The following DYSF variants were observed in gnomAD, a reference collection of about 807,000 sequenced individuals.
DYSF encodes dysferlin, also known as dystrophy-associated fer-1-like 1.
In DYSF, 212 loss-of-function variants were observed where a neutral mutation model predicts 274.9. The ratio of observed to expected loss-of-function variants is 0.77; its 90% CI spans 0.69 to 0.86. The LOEUF (loss-of-function observed/expected upper bound fraction) is 0.86. Among genes scored for constraint, DYSF ranks in the 40% least tolerant of loss-of-function variants. DYSF has a pLI of 0.00. For missense variants in DYSF, 2,666 were observed against 2,783.2 expected (o/e 0.96, Z 0.95); for synonymous variants, 1,091 against 1,078.7 (o/e 1.01, Z -0.22).
intron 8 of DYSF, 26 bp from the exon 9 acceptor site, chr2:71,516,154 T>G (rs954851578): frequency 5.0e-6 from 8 of 1,613,522 alleles, no homozygotes; most frequent in African/African-American, 1.3e-5. Context: ...GGCACTGATA[T>G]GTCTCTCTTT....
At chr2:71,543,645 C>T (rs923885504) in intron 17 of DYSF, among the ~76,000 whole-genome samples, 4 of 152,220 alleles carry the variant, frequency 2.6e-5, no homozygotes, top group African/African-American at 7.2e-5. Flanking sequence ...AGATCACTCG[C>T]GGTTAGGAGC....
chr2:71,473,918 ATTTTTTTTTTT>A (rs10659171), intron 1 of DYSF, among the ~76,000 whole-genome samples: 1 of 83,806 alleles, frequency 1.2e-5, no homozygotes, highest in Non-Finnish European at 2.2e-5. Flanking sequence ...TTTCTGTATG[ATTTTTTTTTTT>A]TTTTTTTTTT....
At chr2:71,512,955 C>T (rs181891145) in intron 5 of DYSF, among the ~76,000 whole-genome samples, 2 of 152,012 alleles carry the variant, frequency 1.3e-5, no homozygotes, top group African/African-American at 2.4e-5. Flanking sequence ...GAGAGGTGCC[C>T]GTGGTGGCAG....
chr2:71,454,802 C>T (rs2152622221), intron 1 of DYSF, among the ~76,000 whole-genome samples: 1 of 152,256 alleles, frequency 6.6e-6, no homozygotes, highest in East Asian at 1.9e-4. Context: ...ATAGGAGGGC[C>T]TTCATAGAGT....
intron 30 of DYSF, among the ~76,000 whole-genome samples, chr2:71,579,069 G>A (rs377255199): frequency 2.0e-5 from 3 of 152,134 alleles, no homozygotes; most frequent in African/African-American, 2.4e-5. Flanking sequence ...ATTATAGCGC[G>A]TTCCATCCAG....
At chr2:71,641,377 C>T (rs936553347) in intron 41 of DYSF, among the ~76,000 whole-genome samples, 4 of 151,902 alleles carry the variant, frequency 2.6e-5, no homozygotes, top group African/African-American at 9.7e-5. Flanking sequence ...GACGGGGTTT[C>T]ACCGTGTTAG....
rs1573203007 is a variant in DYSF, at chr2:71,682,542, C to A, written c.6186C>A (p.Thr2062=). 1 of 1,614,132 alleles carries A rather than the reference C, an allele frequency of 6.2e-7. No homozygotes were observed. Among genetic ancestry groups the A allele is most frequent in the East Asian group, 2.2e-5 (1 of 44,862 alleles). Residue 2062 remains threonine (T), a synonymous_variant, in exon 55 of 56, where the codon ACC becomes ACA. Coordinates refer to ENST00000410020, the MANE Select transcript of DYSF (RefSeq NM_001130987.2). ...ATCTCGCTTCCAGGCGCCCCGACACCTCCTTCCTGTGGTTTACCTCCCCAT... is the reference window on the plus strand; with the variant it reads ...ATCTCGCTTCCAGGCGCCCCGACACATCCTTCCTGTGGTTTACCTCCCCAT... ...PKLEDPRRPD[T]SFLWFTSPYK... is the part of the protein sequence containing the mutation.
chr2:71,453,615 C>G (rs893693218), exon 1 of DYSF: 1 of 340,062 alleles, frequency 2.9e-6, no homozygotes, highest in Non-Finnish European at 5.8e-6. Flanking sequence ...GTCCAGCCCC[C>G]GGCCATCGCG....
At chr2:71,665,124 T>C (rs1036701836) in intron 46 of DYSF, 38 bp from the exon 47 acceptor site, 1 of 1,612,190 alleles carries the variant, frequency 6.2e-7, no homozygotes, top group Middle Eastern at 2.0e-4. Flanking sequence ...ATGAGTGTCC[T>C]TGAAGCATCT....
intron 1 of DYSF, among the ~76,000 whole-genome samples, chr2:71,456,196 C>T (rs946061294): frequency 2.0e-5 from 3 of 152,082 alleles, no homozygotes; most frequent in African/African-American, 7.2e-5. Flanking sequence ...CACAGCTCAC[C>T]TTGGGGAAAG....
chr2:71,463,006 G>A (rs1036304158), upstream of DYSF, among the ~76,000 whole-genome samples: 2 of 152,230 alleles, frequency 1.3e-5, no homozygotes, highest in African/African-American at 4.8e-5. Flanking sequence ...CAGGCTTCAG[G>A]CCATCCCTGG....
chr2:71,546,179 C>G (rs1559125946), intron 17 of DYSF, among the ~76,000 whole-genome samples: 1 of 152,246 alleles, frequency 6.6e-6, no homozygotes, highest in Non-Finnish European at 1.5e-5. Context: ...CGGGCCAAGC[C>G]TCCCCGACTT....
chr2:71,546,441 T>G (rs1368967362), intron 17 of DYSF, among the ~76,000 whole-genome samples: 1 of 152,234 alleles, frequency 6.6e-6, no homozygotes, highest in Non-Finnish European at 1.5e-5. Context: ...TTGTTTCCAG[T>G]GAGGGCAAGA....
intron 32 of DYSF, among the ~76,000 whole-genome samples, chr2:71,594,495 C>CAGAAAACCCA (rs1655375234): frequency 6.6e-6 from 1 of 152,130 alleles, no homozygotes; most frequent in East Asian, 1.9e-4. Context: ...CTCATTAGCT[C>CAGAAAACCCA]CCCAGAAAAC....
At chr2:71,666,512 G>T (rs2095013158) in intron 47 of DYSF, among the ~76,000 whole-genome samples, 1 of 152,272 alleles carries the variant, frequency 6.6e-6, no homozygotes, top group Non-Finnish European at 1.5e-5. Context: ...TACATGTACA[G>T]ATGTGTGTGT....
At chr2:71,473,240 G>GCACAAGT (rs2082162572) in intron 1 of DYSF, among the ~76,000 whole-genome samples, 1 of 152,224 alleles carries the variant, frequency 6.6e-6, no homozygotes, top group Non-Finnish European at 1.5e-5. Flanking sequence ...TCTGTACCAA[G>GCACAAGT]AGGTAATACA....
chr2:71,611,004 G>A (rs866547571), intron 36 of DYSF: 8 of 567,046 alleles, frequency 1.4e-5, no homozygotes, highest in Admixed American at 2.6e-5. Flanking sequence ...GATTCAGTTG[G>A]AACAAGGTGA....
At chr2:71,670,731 C>T (rs1297912237) in intron 51 of DYSF, among the ~76,000 whole-genome samples, 1 of 152,216 alleles carries the variant, frequency 6.6e-6, no homozygotes, top group African/African-American at 2.4e-5. Context: ...CCAGCCTCTT[C>T]CTGGTAGGAC....
intron 12 of DYSF, among the ~76,000 whole-genome samples, chr2:71,524,849 G>C (rs2087682164): frequency 6.6e-6 from 1 of 152,178 alleles, no homozygotes; most frequent in Non-Finnish European, 1.5e-5. Context: ...CCCTTGCTCT[G>C]TGCTCTCCAA....
Sources: allele counts gnomAD v4.1 joint callset (sites outside exome capture counted in the v4.1 genomes callset), GRCh38; gene constraint gnomAD v4.1.1; transcripts MANE v1.5; gene names NCBI Gene and HGNC (gene_info 2026-07-23, HGNC 2026-07-21).